Variants in STIM1 observed in about 807,000 individuals in gnomAD.
The protein encoded by STIM1 is stromal interaction molecule 1.
A neutral mutation model predicts 74.7 loss-of-function variants in STIM1; 25 were observed. The ratio of observed to expected loss-of-function variants is 0.33; its 90% CI spans 0.24 to 0.47. The LOEUF is 0.47. Ranked by LOEUF, STIM1 falls within the 20% of genes least tolerant of loss-of-function variation. The pLI is 1.00. For synonymous variants in STIM1, 328 were observed against 348.8 expected (o/e 0.94, Z 0.66); for missense variants, 728 against 920.8 (o/e 0.79, Z 2.71).
intron 2 of STIM1, among the ~76,000 whole-genome samples, chr11:3,978,452 T>C (rs950872936): frequency 3.4e-4 from 50 of 148,418 alleles, no homozygotes; most frequent in African/African-American, 9.6e-4. Flanking sequence ...CCGGCGCCTG[T>C]GTACTTTTAA....
At chr11:3,966,598 T>A (rs1421749507) in intron 1 of STIM1, among the ~76,000 whole-genome samples, 1 of 152,180 alleles carries the variant, frequency 6.6e-6, no homozygotes, top group Non-Finnish European at 1.5e-5. Flanking sequence ...GAAGTAGTTG[T>A]CGAGATCCAG....
At chr11:3,868,868 A>G (rs186437002) in intron 1 of STIM1, among the ~76,000 whole-genome samples, 1 of 152,234 alleles carries the variant, frequency 6.6e-6, no homozygotes, top group African/African-American at 2.4e-5. Flanking sequence ...TTATAAGACA[A>G]TCCCTGCCCA....
At chr11:4,060,750 A>T (rs1040568196) in intron 5 of STIM1, among the ~76,000 whole-genome samples, 9 of 152,216 alleles carry the variant, frequency 5.9e-5, no homozygotes, top group African/African-American at 2.2e-4. Context: ...ATCTAAATGG[A>T]GATAGCTATG....
At chr11:3,904,732 C>T (rs2092433977) in intron 1 of STIM1, among the ~76,000 whole-genome samples, 1 of 151,954 alleles carries the variant, frequency 6.6e-6, no homozygotes, top group South Asian at 2.1e-4. Context: ...TGTTAGGTGA[C>T]TGGGCATTAC....
chr11:4,044,642 A>G (rs528107480), intron 3 of STIM1, among the ~76,000 whole-genome samples: 1 of 152,328 alleles, frequency 6.6e-6, no homozygotes, highest in East Asian at 1.9e-4. Context: ...ACAGAATGAT[A>G]TATGCAGATA....
chr11:4,046,018 C>T (rs1193909389), intron 3 of STIM1, among the ~76,000 whole-genome samples: 2 of 149,940 alleles, frequency 1.3e-5, no homozygotes, highest in African/African-American at 4.9e-5. Flanking sequence ...GATCCACCCA[C>T]CTCGGCCTCC....
At chr11:4,068,729 T>C (rs577787547) in intron 5 of STIM1, among the ~76,000 whole-genome samples, 2 of 152,268 alleles carry the variant, frequency 1.3e-5, no homozygotes, top group South Asian at 4.2e-4. Context: ...GGAAATAGGA[T>C]GTGTTAATCT....
chr11:4,070,426 C>G (rs1209361504), intron 6 of STIM1, among the ~76,000 whole-genome samples: 1 of 152,150 alleles, frequency 6.6e-6, no homozygotes, highest in East Asian at 1.9e-4. Flanking sequence ...TTTTTTGCCT[C>G]TTAGCTTCAG....
At chr11:3,992,460 T>A (rs763157301) in intron 2 of STIM1, among the ~76,000 whole-genome samples, 7 of 152,018 alleles carry the variant, frequency 4.6e-5, no homozygotes, top group Non-Finnish European at 1.0e-4. Flanking sequence ...ATTTTTAAAT[T>A]GGGTTGTCTT....
chr11:3,947,679 G>C (rs1313848996), intron 1 of STIM1: 1 of 152,186 alleles, frequency 6.6e-6, no homozygotes, highest in East Asian at 1.9e-4. Context: ...TGAGAAGCTG[G>C]TGTCACCGAA....
chr11:4,001,848 C>A (rs371640350), intron 2 of STIM1, among the ~76,000 whole-genome samples: 4,532 of 141,786 alleles, frequency 0.032, 96 homozygotes, highest in Non-Finnish European at 0.047. Flanking sequence ...ACCCATCTCA[C>A]GTGCAGAGAC....
chr11:3,895,029 G>A (rs1242361154), intron 1 of STIM1, among the ~76,000 whole-genome samples: 10 of 151,830 alleles, frequency 6.6e-5, no homozygotes, highest in Non-Finnish European at 8.8e-5. Flanking sequence ...GATTACAGGC[G>A]TGAGCCACCG....
intron 2 of STIM1, among the ~76,000 whole-genome samples, chr11:3,969,227 G>A (rs1306270384): frequency 4.6e-5 from 7 of 152,130 alleles, no homozygotes; most frequent in Admixed American, 4.6e-4. Context: ...GCTCATGCCT[G>A]TAATCCCAGC....
chr11:3,890,451 A>G (rs533833465), intron 1 of STIM1, among the ~76,000 whole-genome samples: 22 of 152,354 alleles, frequency 1.4e-4, no homozygotes, highest in African/African-American at 5.1e-4. Flanking sequence ...CATACCCAGT[A>G]GCACTGACAG....
intron 5 of STIM1, 99 bp downstream of exon 5, chr11:4,059,495 C>T (rs2133105735): frequency 7.8e-6 from 7 of 898,826 alleles, no homozygotes; most frequent in Non-Finnish European, 1.3e-5. Flanking sequence ...CTAGGCACAC[C>T]TGCAAGATAG....
Position 3,880,760 on chromosome 11 carries a change from C to T in STIM1, c.139+24351C>T, listed in dbSNP as rs116774258. 6.0e-3 allele frequency among the ~76,000 whole-genome samples: 915 copies of T among 152,318 alleles called. 9 individuals are homozygous for T. The highest frequency in any genetic ancestry group is 0.021 in the African/African-American group (890 of 41,576). ...CTCTAGCTCTCTGCTAGCACCACTC[C>T]AAATTGCTGCTTCAAAAGAGGTCAG... On this transcript the variant is annotated intron_variant, in intron 1 of 12. Coordinates refer to ENST00000526596, the MANE Select transcript of STIM1 (RefSeq NM_001382567.1).
chr11:3,965,934 G>A (rs551343289), intron 1 of STIM1, among the ~76,000 whole-genome samples: 39 of 152,272 alleles, frequency 2.6e-4, no homozygotes, highest in African/African-American at 9.1e-4. Flanking sequence ...TTGAGCCCAG[G>A]GAACGAAGGT....
At chr11:3,983,082 C>T (rs1442433859) in intron 2 of STIM1, among the ~76,000 whole-genome samples, 1 of 152,154 alleles carries the variant, frequency 6.6e-6, no homozygotes, top group Non-Finnish European at 1.5e-5. Context: ...CAGGCATGCA[C>T]CACCACGCCT....
chr11:4,067,847 G>C (rs1023842720), intron 5 of STIM1, among the ~76,000 whole-genome samples: 3 of 152,196 alleles, frequency 2.0e-5, no homozygotes, highest in Non-Finnish European at 4.4e-5. Context: ...ATCCTTCCAA[G>C]ATTTATTGAG....
Sources: allele counts gnomAD v4.1 joint callset (sites outside exome capture counted in the v4.1 genomes callset), GRCh38; gene constraint gnomAD v4.1.1; transcripts MANE v1.5; gene names NCBI Gene and HGNC (gene_info 2026-07-23, HGNC 2026-07-21).